The following TRRAP variants were observed in gnomAD, a reference collection of about 807,000 sequenced individuals.
TRRAP encodes transformation/transcription domain associated protein, also known as transformation/transcription domain-associated protein.
Under a neutral mutation model 438.8 loss-of-function variants are expected in TRRAP, and 41 were observed. The ratio of observed to expected loss-of-function variants is 0.09; its 90% CI spans 0.07 to 0.12. TRRAP has a LOEUF of 0.12. Ranked by LOEUF, TRRAP falls within the 10% of genes least tolerant of loss-of-function variation. TRRAP has a pLI of 1.00. For synonymous variants in TRRAP, 1,994 were observed against 1,962.9 expected (o/e 1.02, Z -0.42); for missense variants, 3,122 against 5,055.1 (o/e 0.62, Z 11.60).
chr7:98,961,395 G>A lies in TRRAP; in HGVS notation c.6624G>A (p.Met2208Ile). The A allele has an allele frequency of 6.2e-7, 1 of 1,614,196 alleles. No homozygotes were observed. The highest frequency in any genetic ancestry group is 8.5e-7 in the Non-Finnish European group (1 of 1,180,026). Residue 2208 changes from methionine to isoleucine, a missense_variant, in exon 46 of 73, where the codon ATG becomes ATA. Met to Ile is a conservative substitution (Grantham distance 10). Transcript: ENST00000456197. The part of the protein sequence containing the change: ...KPLQRGIAAC[M>I]TCGNTKVLRA... ...TGCAGCGTGGAATTGCCGCCTGCAT[G>A]ACATGTGGAAACACCAAGGTGTTGC...
In TRRAP at chr7:98,917,700, T is replaced by A; in HGVS notation, c.2622+21T>A. ...TGCAGGTAGGATTTTAGTGAGGTTG[T>A]TAGCTGGCTGCTTCCCTGGAAGCAG... On this transcript the variant is annotated intron_variant, in intron 20 of 72. Transcript: ENST00000456197. The A allele has an allele frequency of 2.5e-6, 4 of 1,607,690 alleles. No homozygotes were observed. In the South Asian group the frequency reaches 4.4e-5, roughly 18 times the overall value.
At chr7:98,969,129 C>G (rs1792290582) in intron 51 of TRRAP, among the ~76,000 whole-genome samples, 1 of 152,218 alleles carries the variant, frequency 6.6e-6, no homozygotes, top group Non-Finnish European at 1.5e-5. Flanking sequence ...TCAACCACCT[C>G]CCCTCCTACT....
chr7:98,911,954 T>C, intron 17 of TRRAP, 68 bp from the exon 18 acceptor site: 1 of 1,402,382 alleles, frequency 7.1e-7, no homozygotes, highest in Non-Finnish European at 9.8e-7. Context: ...TTTGAAAGCT[T>C]ACTACTTTGT....
At chr7:98,945,856 C>CCTTTTCTTTT in intron 32 of TRRAP, 56 bp downstream of exon 32, 1 of 1,571,460 alleles carries the variant, frequency 6.4e-7, no homozygotes, top group Non-Finnish European at 8.5e-7. Flanking sequence ...GAAAAGTTTA[C>CCTTTTCTTTT]CTTTTCTTTT....
Position 98,906,207 on chromosome 7 carries a change from A to G in TRRAP, c.1067A>G (p.Asp356Gly), listed in dbSNP as rs782211941. The G allele has an allele frequency of 1.9e-6, 3 of 1,613,928 alleles. No individual in the cohort carries two copies. The highest frequency in any genetic ancestry group is 2.5e-6 in the Non-Finnish European group (3 of 1,179,884). ...QFIPCMDKLFDESILIGSGYT... is the reference protein window; with the variant it reads ...QFIPCMDKLFGESILIGSGYT... ...ATTCCTTGCATGGACAAGCTGTTTG[A>G]TGAATCCATACTAATTGGCTCAGGA... The change falls in exon 13 of 73, where the codon GAT becomes GGT. Residue 356 changes from aspartate (D) to glycine (G), a missense_variant. Transcript: ENST00000456197.
chr7:99,012,674 C>G lies in TRRAP; in HGVS notation c.*319C>G, dbSNP rs1339007957. The G allele has an allele frequency of 1.8e-5, 7 of 385,288 alleles. No homozygotes were observed. Among genetic ancestry groups the G allele is most frequent in the Non-Finnish European group, 2.8e-5 (6 of 212,236 alleles). The allele number at this position is 385,288 out of a possible 1,614,324, so 23.9% of individuals were successfully genotyped here. A position where few individuals can be genotyped will look rare whatever the true frequency, so the allele number is the denominator to read the frequency against. ...GAGTCCTTTTTTTATGGTGTCCTCC[C>G]TCTGTGAATGTACAGGCGGAACTGT... On this transcript the variant is annotated 3_prime_UTR_variant, in exon 73 of 73. Transcript: ENST00000456197. This position sits in a 1 kb window ranked among gnomAD's most constrained non-coding sequence, Gnocchi z 5.9.
intron 30 of TRRAP, among the ~76,000 whole-genome samples, chr7:98,941,325 G>C (rs187319532): frequency 6.6e-6 from 1 of 151,966 alleles, no homozygotes; most frequent in Admixed American, 6.6e-5. Context: ...ACAGGCATGC[G>C]CCACCGTGCC....
chr7:98,937,581 A>G, intron 29 of TRRAP, 69 bp from the exon 30 acceptor site: 1 of 1,453,876 alleles, frequency 6.9e-7, no homozygotes, highest in Non-Finnish European at 9.2e-7. Context: ...AAGGTTGAAG[A>G]TGAGTTCTGT....
Position 98,976,656 on chromosome 7 carries a change from C to T in TRRAP, c.8133C>T (p.Phe2711=). ...TGGGGAAGACACACAACCTCTGGTT[C>T]CGGTCCACGCTGATGTTGGAGCACC... The part of the protein sequence containing the change: ...KYLGKTHNLW[F]RSTLMLEHQA... Residue 2711 remains phenylalanine (F), a synonymous_variant, in exon 55 of 73, where the codon TTC becomes TTT. Coordinates refer to ENST00000456197, the MANE Select transcript of TRRAP (RefSeq NM_001375524.1). The surrounding 1 kb of genome is among the most constrained non-coding windows in gnomAD (Gnocchi z 4.6). 1 of 1,614,178 alleles carries T rather than the reference C, an allele frequency of 6.2e-7. No individual in the cohort carries two copies. Among genetic ancestry groups the T allele is most frequent in the Non-Finnish European group, 8.5e-7 (1 of 1,180,032 alleles).
At chr7:98,937,357 G>A (rs1790605995) in intron 29 of TRRAP, 80 bp downstream of exon 29, 2 of 1,529,336 alleles carry the variant, frequency 1.3e-6, no homozygotes, top group Admixed American at 2.3e-5. Flanking sequence ...AGTTCTTCCT[G>A]TTTATTGCTA....
chr7:98,947,982 G>A (rs1016024189), intron 33 of TRRAP, among the ~76,000 whole-genome samples: 8 of 152,204 alleles, frequency 5.3e-5, no homozygotes, highest in South Asian at 2.1e-4. Context: ...GTACACCGTC[G>A]GCCCCTCCAC....
intron 50 of TRRAP, 56 bp from the exon 51 acceptor site, chr7:98,967,429 T>C (rs2116693013): frequency 6.4e-7 from 1 of 1,571,526 alleles, no homozygotes; most frequent in East Asian, 2.3e-5. Flanking sequence ...TTTCTGCTTG[T>C]TTGCATATGA....
chr7:98,943,619 A>T (rs1311722027), intron 31 of TRRAP, among the ~76,000 whole-genome samples: 1 of 152,226 alleles, frequency 6.6e-6, no homozygotes, highest in African/African-American at 2.4e-5. Flanking sequence ...CGCTTCAGCT[A>T]AATCTTTTAA....
intron 58 of TRRAP, among the ~76,000 whole-genome samples, chr7:98,980,333 A>G (rs1163066131): frequency 1.3e-5 from 2 of 152,200 alleles, no homozygotes; most frequent in Non-Finnish European, 2.9e-5. Context: ...TGATCTTGCT[A>G]CAGCAATTCC....
At chr7:98,906,367 C>G in intron 13 of TRRAP, 112 bp downstream of exon 13, 3 of 588,524 alleles carry the variant, frequency 5.1e-6, no homozygotes, top group Non-Finnish European at 8.5e-6. Flanking sequence ...CTTGACACAC[C>G]TGTTAGGTTA....
intron 27 of TRRAP, 105 bp from the exon 28 acceptor site, chr7:98,935,474 T>G: frequency 1.1e-6 from 1 of 896,512 alleles, no homozygotes; most frequent in South Asian, 2.6e-5. Context: ...TGTCAGTTGT[T>G]AATTGTGTTG....
intron 13 of TRRAP, among the ~76,000 whole-genome samples, chr7:98,906,558 G>A (rs996182984): frequency 1.3e-5 from 2 of 151,906 alleles, no homozygotes; most frequent in South Asian, 4.2e-4. Context: ...TCAGCTGCCC[G>A]AGTAGCTGGG....
chr7:98,885,989 A>C (rs1308027264), intron 3 of TRRAP, among the ~76,000 whole-genome samples: 1 of 152,218 alleles, frequency 6.6e-6, no homozygotes, highest in Non-Finnish European at 1.5e-5. Flanking sequence ...AGCAACTAAA[A>C]GTTAGTGGGG....
At chr7:98,889,354 A>T (rs73409108) in intron 3 of TRRAP, among the ~76,000 whole-genome samples, 2,429 of 152,236 alleles carry the variant, frequency 0.016, 50 homozygotes, top group African/African-American at 0.041. Flanking sequence ...CATTTCCTGT[A>T]GGCAGTGTTA....
Sources: gnomAD v4.1 joint callset for allele counts (sites outside exome capture counted in the v4.1 genomes callset) on GRCh38, gnomAD v4.1.1 for gene constraint, Gnocchi (gnomAD v3.1) non-coding constraint, MANE v1.5 for transcripts, NCBI Gene and HGNC (gene_info 2026-07-23, HGNC 2026-07-21) for gene names.